The following MTA3 variants were observed in gnomAD, a reference collection of about 807,000 sequenced individuals.
The protein encoded by MTA3 is metastasis-associated protein MTA3.
Under a neutral mutation model 83.5 loss-of-function variants are expected in MTA3, and 34 were observed. The observed-to-expected ratio is 0.41, with a 90% confidence interval of 0.31 to 0.54. MTA3 has a LOEUF of 0.54. Ranked by LOEUF, MTA3 falls within the 20% of genes least tolerant of loss-of-function variation. MTA3 has a pLI of 0.33. For missense variants in MTA3, 761 were observed against 726.4 expected (o/e 1.05, Z -0.55); for synonymous variants, 303 against 252.7 (o/e 1.20, Z -1.89).
chr2:42,538,135 A>T (rs1317488808), intron 2 of MTA3, among the ~76,000 whole-genome samples: 1 of 152,276 alleles, frequency 6.6e-6, no homozygotes, highest in East Asian at 1.9e-4. Context: ...CAGGAGGCTG[A>T]GGCAGGAGAA....
intron 8 of MTA3, among the ~76,000 whole-genome samples, chr2:42,669,188 G>A (rs1045752275): frequency 2.7e-5 from 4 of 150,912 alleles, no homozygotes; most frequent in African/African-American, 9.8e-5. Flanking sequence ...GGGTTCAAGC[G>A]ATTCTCCTGC....
intron 2 of MTA3, among the ~76,000 whole-genome samples, chr2:42,509,208 A>G (rs1166018507): frequency 1.3e-5 from 2 of 151,940 alleles, no homozygotes; most frequent in Non-Finnish European, 2.9e-5. Flanking sequence ...ATGCCCAGCT[A>G]ATTTTTGTAT....
At chr2:42,626,107 T>A (rs1230031297) in intron 4 of MTA3, among the ~76,000 whole-genome samples, 1 of 150,882 alleles carries the variant, frequency 6.6e-6, no homozygotes, top group Non-Finnish European at 1.5e-5. Context: ...CACTCTCAGC[T>A]AATTTTTTTG....
At chr2:42,522,308 G>C (rs1487452906) in intron 2 of MTA3, among the ~76,000 whole-genome samples, 1 of 152,160 alleles carries the variant, frequency 6.6e-6, no homozygotes, top group East Asian at 1.9e-4. Flanking sequence ...CTGTGTCAAG[G>C]GTACAATCAG....
Position 42,622,700 on chromosome 2 carries a change from C to T in MTA3, c.317+13116C>T, listed in dbSNP as rs917681832. 2.6e-5 allele frequency among the ~76,000 whole-genome samples: 4 copies of T among 151,440 alleles called. No homozygotes were observed. The East Asian group carries it at 7.8e-4, about 29-fold the overall frequency. Reference sequence around the variant, plus strand: ...TGAAATGGGATCTTGTTTTGTTGCCCAGGCTGATCTTCAACTCCTGGCCTC... The same window carrying T: ...TGAAATGGGATCTTGTTTTGTTGCCTAGGCTGATCTTCAACTCCTGGCCTC... On this transcript the variant is annotated intron_variant, in intron 4 of 16. Coordinates refer to ENST00000405094, the MANE Select transcript of MTA3 (RefSeq NM_001330442.2).
intron 8 of MTA3, among the ~76,000 whole-genome samples, chr2:42,679,724 T>C (rs1232772863): frequency 1.3e-5 from 2 of 152,324 alleles, no homozygotes; most frequent in Admixed American, 1.3e-4. Flanking sequence ...TTTTTTAAGC[T>C]ACACCAAGGA....
intron 2 of MTA3, among the ~76,000 whole-genome samples, chr2:42,506,036 AT>A (rs376505710): frequency 1.5e-4 from 23 of 152,248 alleles, no homozygotes; most frequent in African/African-American, 5.3e-4. Flanking sequence ...AAGTGCTAGG[AT>A]TACAGGCATG....
chr2:42,644,910 A>G (rs1156919909), intron 6 of MTA3, among the ~76,000 whole-genome samples: 2 of 152,060 alleles, frequency 1.3e-5, no homozygotes, highest in East Asian at 3.9e-4. Flanking sequence ...ATTTTATGAG[A>G]CACAACAATA....
At chr2:42,714,746 A>T (rs1473839693) in intron 14 of MTA3, among the ~76,000 whole-genome samples, 2 of 152,082 alleles carry the variant, frequency 1.3e-5, no homozygotes, top group African/African-American at 2.4e-5. Context: ...TGGTTTTGGG[A>T]TGAAACTGTT....
intron 4 of MTA3, among the ~76,000 whole-genome samples, chr2:42,620,808 A>G (rs1357692787): frequency 6.6e-6 from 1 of 152,186 alleles, no homozygotes; most frequent in Admixed American, 6.5e-5. Context: ...AACTCGAGAA[A>G]ACATGGGATT....
chr2:42,743,740 G>C (rs1420216102), intron 16 of MTA3, among the ~76,000 whole-genome samples: 1 of 152,144 alleles, frequency 6.6e-6, no homozygotes, highest in Non-Finnish European at 1.5e-5. Context: ...TGATTCAACA[G>C]TTCTAACTGT....
Position 42,585,340 on chromosome 2 carries a change from G to A in MTA3, c.190+6140G>A, listed in dbSNP as rs1468627392. Among the ~76,000 whole-genome samples the A allele has an allele frequency of 5.9e-5, 9 of 151,994 alleles. No individual in the cohort carries two copies. The Middle Eastern group carries it at 0.017, about 289-fold the overall frequency. On this transcript the variant is annotated intron_variant, in intron 3 of 16. Coordinates refer to ENST00000405094, the MANE Select transcript of MTA3 (RefSeq NM_001330442.2). ...CAACCTCAGGTGATCTGCCCACCTC[G>A]GCCTCCCAAAGTGCTGGGATTACAG...
intron 12 of MTA3, among the ~76,000 whole-genome samples, chr2:42,707,597 T>C (rs753357791): frequency 6.6e-6 from 1 of 152,130 alleles, no homozygotes; most frequent in Non-Finnish European, 1.5e-5. Context: ...TCCAGAAACA[T>C]ACACAATAGA....
At chr2:42,545,234 TG>T (rs1676705392) in intron 2 of MTA3, among the ~76,000 whole-genome samples, 1 of 152,012 alleles carries the variant, frequency 6.6e-6, no homozygotes, top group Non-Finnish European at 1.5e-5. Context: ...AAAAATTAGC[TG>T]GGTATGGTGG....
chr2:42,595,004 C>T (rs1437792077), intron 3 of MTA3, among the ~76,000 whole-genome samples: 6 of 148,550 alleles, frequency 4.0e-5, no homozygotes, highest in African/African-American at 7.4e-5. Context: ...CTGCCTGCCT[C>T]GGCCTCCCAA....
intron 3 of MTA3, chr2:42,581,854 C>T (rs780900757): frequency 4.3e-5 from 9 of 207,688 alleles, no homozygotes; most frequent in South Asian, 3.5e-4. Context: ...GCAACCTCCA[C>T]CTCCCAAATC....
At chr2:42,539,063 C>T (rs1002792625) in intron 2 of MTA3, among the ~76,000 whole-genome samples, 6 of 151,940 alleles carry the variant, frequency 3.9e-5, no homozygotes, top group Admixed American at 1.3e-4. Flanking sequence ...CGTGAGCCAC[C>T]GCTCCCGGCC....
At chr2:42,707,845 G>A in intron 12 of MTA3, 58 bp from the exon 13 acceptor site, 1 of 1,412,358 alleles carries the variant, frequency 7.1e-7, no homozygotes. Flanking sequence ...ATTATTTTGT[G>A]TTGATGTTAC....
chr2:42,536,871 A>G (rs1178450765), intron 2 of MTA3, among the ~76,000 whole-genome samples: 1 of 151,576 alleles, frequency 6.6e-6, no homozygotes, highest in Non-Finnish European at 1.5e-5. Context: ...AAAAAAAAAA[A>G]AAAAAAGGGA....
Sources: allele counts gnomAD v4.1 joint callset (sites outside exome capture counted in the v4.1 genomes callset), GRCh38; gene constraint gnomAD v4.1.1; transcripts MANE v1.5; gene names NCBI Gene and HGNC (gene_info 2026-07-23, HGNC 2026-07-21).